EFNA5: variants seen among roughly 807,000 people sequenced by gnomAD.
EFNA5 encodes the protein ephrin A5, also known as ephrin-A5.
A neutral mutation model predicts 22.9 loss-of-function variants in EFNA5; 5 were observed. The ratio of observed to expected loss-of-function variants is 0.22; its 90% CI spans 0.11 to 0.46. The LOEUF is 0.46. Among genes scored for constraint, EFNA5 ranks in the 20% least tolerant of loss-of-function variants. The pLI, the probability that EFNA5 is intolerant of heterozygous loss-of-function variation, is 0.99. For missense variants in EFNA5, 237 were observed against 293.3 expected, an observed-to-expected ratio of 0.81 and a Z score of 1.40; for synonymous variants, 113 against 112.2, an observed-to-expected ratio of 1.01 and a Z score of -0.04.
intron 1 of EFNA5, among the ~76,000 whole-genome samples, chr5:107,492,922 C>T (rs182489569): frequency 6.0e-5 from 9 of 151,110 alleles, no homozygotes; most frequent in African/African-American, 2.2e-4. Context: ...TCGCTTGAAC[C>T]GGGAGGCGGA....
chr5:107,405,128 G>A (rs558082136), intron 2 of EFNA5, among the ~76,000 whole-genome samples: 9 of 152,284 alleles, frequency 5.9e-5, no homozygotes, highest in South Asian at 2.1e-4. Context: ...AACCGGCAGC[G>A]ATACTCGCCA....
intron 2 of EFNA5, among the ~76,000 whole-genome samples, chr5:107,395,178 A>G (rs192250003): frequency 6.6e-6 from 1 of 151,844 alleles, no homozygotes; most frequent in Non-Finnish European, 1.5e-5. Flanking sequence ...AGCTGGGATT[A>G]CAAGTGCATG....
chr5:107,603,360 C>A (rs1292565640), intron 1 of EFNA5, among the ~76,000 whole-genome samples: 1 of 152,122 alleles, frequency 6.6e-6, no homozygotes, highest in African/African-American at 2.4e-5. Context: ...CAATTTTTAT[C>A]CCTCACTTTC....
chr5:107,642,757 G>A (rs1180942800), intron 1 of EFNA5, among the ~76,000 whole-genome samples: 1 of 152,098 alleles, frequency 6.6e-6, no homozygotes, highest in Non-Finnish European at 1.5e-5. Flanking sequence ...GAGTGGTCAT[G>A]GTTTTTAAAG....
chr5:107,406,353 G>T (rs1162107061), intron 2 of EFNA5, among the ~76,000 whole-genome samples: 1 of 151,786 alleles, frequency 6.6e-6, no homozygotes, highest in Non-Finnish European at 1.5e-5. Flanking sequence ...CTTTCCCTTT[G>T]TTCAACCTAT....
intron 1 of EFNA5, among the ~76,000 whole-genome samples, chr5:107,619,919 A>T (rs1446542655): frequency 6.6e-6 from 1 of 152,194 alleles, no homozygotes; most frequent in East Asian, 1.9e-4. Context: ...ACCTCTGGCT[A>T]CAAAACTGTG....
intron 1 of EFNA5, among the ~76,000 whole-genome samples, chr5:107,642,807 G>C (rs539420375): frequency 6.6e-6 from 1 of 152,106 alleles, no homozygotes; most frequent in African/African-American, 2.4e-5. Flanking sequence ...AAGTCTTTTA[G>C]GGATCACTTT....
intron 1 of EFNA5, among the ~76,000 whole-genome samples, chr5:107,436,885 GC>G (rs1324155330): frequency 6.6e-6 from 1 of 152,110 alleles, no homozygotes; most frequent in African/African-American, 2.4e-5. Flanking sequence ...GAGTTACCCA[GC>G]AGAATTTCAG....
chr5:107,437,704 TGTA>T (rs1407053909), intron 1 of EFNA5, among the ~76,000 whole-genome samples: 6 of 150,010 alleles, frequency 4.0e-5, no homozygotes, highest in African/African-American at 1.2e-4. Flanking sequence ...TGAAGAGGAA[TGTA>T]GCTGAAGGGT....
intron 1 of EFNA5, among the ~76,000 whole-genome samples, chr5:107,480,501 G>A (rs762089444): frequency 1.6e-4 from 24 of 152,264 alleles, no homozygotes; most frequent in Admixed American, 2.0e-4. Context: ...ATGTTAATGC[G>A]CCAGGCTATA....
chr5:107,410,956 G>A (rs1346415691), intron 2 of EFNA5, among the ~76,000 whole-genome samples: 1 of 152,090 alleles, frequency 6.6e-6, no homozygotes. Context: ...CTTTGTCGTG[G>A]AGTCGTTGAT....
chr5:107,605,542 T>C (rs1419722553), intron 1 of EFNA5, among the ~76,000 whole-genome samples: 1 of 152,120 alleles, frequency 6.6e-6, no homozygotes, highest in Admixed American at 6.5e-5. Flanking sequence ...GTACATCCTG[T>C]TGCTATTACG....
intron 1 of EFNA5, among the ~76,000 whole-genome samples, chr5:107,579,930 A>G (rs1456019031): frequency 6.6e-6 from 1 of 152,224 alleles, no homozygotes; most frequent in Admixed American, 6.5e-5. Flanking sequence ...AACTCAGAAT[A>G]TTTATAATAA....
At chr5:107,565,071 C>T (rs1332097663) in intron 1 of EFNA5, among the ~76,000 whole-genome samples, 1 of 152,196 alleles carries the variant, frequency 6.6e-6, no homozygotes, top group Middle Eastern at 3.4e-3. Context: ...AGAAAGTCCA[C>T]GCTGGAACTA....
At position 107,493,223 on chromosome 5, in the gene EFNA5, T is replaced by A. The variant is rs555079614; in HGVS notation, c.126-65714A>T. ...TGTTTTTTGTTTTTTGTTTTTTTTT[T>A]ATCTTTTACAACCAAATATTTTCTA... is the stretch of plus-strand genomic sequence containing the variant. On this transcript the variant is annotated intron_variant, in intron 1 of 4. Transcript: ENST00000333274. Among the ~76,000 whole-genome samples the A allele has an allele frequency of 1.1e-3, 167 of 152,044 alleles. 1 individual carries two copies. Among genetic ancestry groups the A allele is most frequent in the African/African-American group, 3.8e-3 (159 of 41,470 alleles).
intron 1 of EFNA5, among the ~76,000 whole-genome samples, chr5:107,569,649 T>C (rs1452298563): frequency 7.1e-6 from 1 of 141,520 alleles, no homozygotes; most frequent in Non-Finnish European, 1.5e-5. Flanking sequence ...CAGGAGTTCA[T>C]GACCAGCCTG....
chr5:107,612,904 C>T (rs1395658929), intron 1 of EFNA5, among the ~76,000 whole-genome samples: 2 of 152,080 alleles, frequency 1.3e-5, no homozygotes, highest in South Asian at 4.1e-4. Flanking sequence ...ACCTTCTAGA[C>T]ATAGAAACTC....
At chr5:107,549,547 A>G (rs951413485) in intron 1 of EFNA5, among the ~76,000 whole-genome samples, 2 of 152,236 alleles carry the variant, frequency 1.3e-5, no homozygotes, top group African/African-American at 2.4e-5. Context: ...TTTTGAACAG[A>G]TGGGCCTGGA....
At chr5:107,540,999 C>T (rs56778615) in intron 1 of EFNA5, among the ~76,000 whole-genome samples, 4,472 of 151,888 alleles carry the variant, frequency 0.029, 192 homozygotes, top group African/African-American at 0.1. Flanking sequence ...CCCAGCTACT[C>T]GGGAGGCTGA....
Sources: allele counts gnomAD v4.1 joint callset (sites outside exome capture counted in the v4.1 genomes callset), GRCh38; gene constraint gnomAD v4.1.1; transcripts MANE v1.5; gene names NCBI Gene and HGNC (gene_info 2026-07-23, HGNC 2026-07-21).